DPP10: variants seen among roughly 807,000 people sequenced by gnomAD.
The protein encoded by DPP10 is dipeptidyl peptidase like 10.
DPP10 carries 33 observed loss-of-function variants against 120.9 expected under a neutral mutation model. The observed-to-expected ratio is 0.27, with a 90% CI of 0.21 to 0.37. The LOEUF is 0.37. DPP10 is among the 10% of genes least tolerant of loss of function. The pLI is 1.00. For missense variants in DPP10, 816 were observed against 942.8 expected, an observed-to-expected ratio of 0.87 and a Z score of 1.76; for synonymous variants, 337 against 326.1, an observed-to-expected ratio of 1.03 and a Z score of -0.36.
chr2:115,504,447 A>G (rs974231065), intron 4 of DPP10, among the ~76,000 whole-genome samples: 11 of 151,956 alleles, frequency 7.2e-5, no homozygotes, highest in African/African-American at 2.7e-4. Context: ...CCCTCGCTAT[A>G]GCAGTTACCA....
chr2:114,697,333 C>T (rs1700125366), intron 1 of DPP10, among the ~76,000 whole-genome samples: 1 of 151,972 alleles, frequency 6.6e-6, no homozygotes, highest in African/African-American at 2.4e-5. Context: ...TTTAATGCAT[C>T]AGACAAGGGA....
intron 3 of DPP10, among the ~76,000 whole-genome samples, chr2:115,476,038 G>T (rs760747979): frequency 6.6e-6 from 1 of 152,112 alleles, no homozygotes; most frequent in Non-Finnish European, 1.5e-5. Context: ...GACTCGGGGG[G>T]ACTCTTGAGA....
At chr2:114,548,544 G>C (rs1217597563) in intron 1 of DPP10, among the ~76,000 whole-genome samples, 2 of 152,154 alleles carry the variant, frequency 1.3e-5, no homozygotes, top group Non-Finnish European at 2.9e-5. Flanking sequence ...AAACTGCTCT[G>C]ATACAAGCCA....
At chr2:115,787,521 A>C (rs1466358863) in intron 17 of DPP10, among the ~76,000 whole-genome samples, 1 of 152,210 alleles carries the variant, frequency 6.6e-6, no homozygotes, top group Non-Finnish European at 1.5e-5. Flanking sequence ...GTGGACTTGA[A>C]ACAATATCAG....
chr2:115,377,385 T>A (rs1294682284), intron 3 of DPP10, among the ~76,000 whole-genome samples: 1 of 152,186 alleles, frequency 6.6e-6, no homozygotes, highest in African/African-American at 2.4e-5. Context: ...CTTCACCCAC[T>A]TTTTGATGGG....
At chr2:114,495,246 A>G (rs943122994) in intron 1 of DPP10, among the ~76,000 whole-genome samples, 2 of 152,138 alleles carry the variant, frequency 1.3e-5, no homozygotes, top group Admixed American at 1.3e-4. Context: ...CTAGTATTTG[A>G]GCAGATGCTG....
At chr2:114,514,715 G>A (rs986337776) in intron 1 of DPP10, among the ~76,000 whole-genome samples, 1 of 151,870 alleles carries the variant, frequency 6.6e-6, no homozygotes, top group East Asian at 1.9e-4. Context: ...GGATCCATGT[G>A]CAGAATTAGA....
chr2:114,499,134 A>G (rs368835299), intron 1 of DPP10, among the ~76,000 whole-genome samples: 2 of 152,268 alleles, frequency 1.3e-5, no homozygotes, highest in East Asian at 1.9e-4. Context: ...CTGATCTCTC[A>G]TGCTATTCAT....
At chr2:114,780,456 A>G (rs902002055) in intron 1 of DPP10, among the ~76,000 whole-genome samples, 1 of 152,146 alleles carries the variant, frequency 6.6e-6, no homozygotes, top group Non-Finnish European at 1.5e-5. Flanking sequence ...CTGAATCATT[A>G]TTTTAATTCT....
chr2:115,476,088 T>A (rs2075058685), intron 3 of DPP10, among the ~76,000 whole-genome samples: 1 of 152,058 alleles, frequency 6.6e-6, no homozygotes, highest in Non-Finnish European at 1.5e-5. Flanking sequence ...AGCCATGAGA[T>A]TTGGAAGGTG....
At chr2:114,805,238 T>C (rs191142344) in intron 1 of DPP10, among the ~76,000 whole-genome samples, 270 of 152,352 alleles carry the variant, frequency 1.8e-3, no homozygotes, top group Middle Eastern at 0.014. Flanking sequence ...TATGTCTTTA[T>C]TGGCAGCATT....
chr2:115,721,625 G>A (rs1000943070), intron 7 of DPP10, among the ~76,000 whole-genome samples: 12 of 152,040 alleles, frequency 7.9e-5, no homozygotes, highest in African/African-American at 2.9e-4. Flanking sequence ...GTAAAAATGT[G>A]GAGAAATTGG....
intron 2 of DPP10, among the ~76,000 whole-genome samples, chr2:115,330,912 C>CT (rs539223462): frequency 6.6e-6 from 1 of 152,096 alleles, no homozygotes. Context: ...AATGTGGGCT[C>CT]TTTTTTGGTT....
At chr2:114,835,342 C>A (rs374207525) in intron 1 of DPP10, 1 of 151,112 alleles carries the variant, frequency 6.6e-6, no homozygotes, top group South Asian at 2.1e-4. Flanking sequence ...TAAGCCATAT[C>A]TACACACCTA....
chr2:114,885,235 A>G (rs1691965860), intron 1 of DPP10, among the ~76,000 whole-genome samples: 1 of 152,158 alleles, frequency 6.6e-6, no homozygotes, highest in African/African-American at 2.4e-5. Flanking sequence ...CAAAGGGGGA[A>G]CAATCATGTC....
intron 1 of DPP10, among the ~76,000 whole-genome samples, chr2:114,786,444 TGGTGAG>T (rs1205932057): frequency 6.6e-6 from 1 of 152,166 alleles, no homozygotes; most frequent in African/African-American, 2.4e-5. Flanking sequence ...TCTGCCCAGA[TGGTGAG>T]GCATTTTGAA....
At chr2:114,579,128 TG>T (rs1333193341) in intron 1 of DPP10, among the ~76,000 whole-genome samples, 2 of 152,208 alleles carry the variant, frequency 1.3e-5, no homozygotes, top group African/African-American at 4.8e-5. Flanking sequence ...TAAGGCTAGT[TG>T]TAAGTATGGG....
At chr2:115,282,313 T>C (rs1296515348) in intron 1 of DPP10, among the ~76,000 whole-genome samples, 2 of 152,112 alleles carry the variant, frequency 1.3e-5, no homozygotes, top group African/African-American at 4.8e-5. Flanking sequence ...ACTTCCAAAC[T>C]AATTTTCATG....
intron 1 of DPP10, among the ~76,000 whole-genome samples, chr2:115,274,115 G>A (rs1169971834): frequency 6.6e-6 from 1 of 152,058 alleles, no homozygotes; most frequent in Non-Finnish European, 1.5e-5. Flanking sequence ...GTGTGTGTGT[G>A]TGTGTCTATA....
Sources: allele counts gnomAD v4.1 joint callset (sites outside exome capture counted in the v4.1 genomes callset), GRCh38; gene constraint gnomAD v4.1.1; transcripts MANE v1.5; gene names NCBI Gene and HGNC (gene_info 2026-07-23, HGNC 2026-07-21).